Variants in TXNDC16 observed in about 807,000 individuals in gnomAD.
The protein encoded by TXNDC16 is thioredoxin domain containing 16, also known as thioredoxin domain-containing protein 16.
In TXNDC16, 74 loss-of-function variants were observed where a neutral mutation model predicts 85.6. That is an observed-to-expected ratio of 0.86 (90% confidence interval 0.72 to 1.05). The LOEUF is 1.05. TXNDC16 is among the 50% of genes least tolerant of loss of function. The probability of loss-of-function intolerance (pLI) is 0.00; values close to 1 mark genes in which losing one functional copy is unlikely to be tolerated. For synonymous variants in TXNDC16, 335 were observed against 326.5 expected (o/e 1.03, Z -0.28); for missense variants, 959 against 947.0 (o/e 1.01, Z -0.17).
At chr14:52,472,038 GGT>G (rs2035919110) in intron 14 of TXNDC16, among the ~76,000 whole-genome samples, 1 of 149,950 alleles carries the variant, frequency 6.7e-6, no homozygotes, top group Non-Finnish European at 1.5e-5. Context: ...TTGTGAATGT[GGT>G]ATTTTAATAT....
chr14:52,510,902 T>G (rs983823941), intron 9 of TXNDC16, among the ~76,000 whole-genome samples: 1 of 152,226 alleles, frequency 6.6e-6, no homozygotes, highest in Non-Finnish European at 1.5e-5. Context: ...GATGTGGTCT[T>G]TGTGATCTGT....
intron 6 of TXNDC16, among the ~76,000 whole-genome samples, chr14:52,527,378 A>T (rs1448965133): frequency 6.6e-6 from 1 of 152,216 alleles, no homozygotes; most frequent in Non-Finnish European, 1.5e-5. Context: ...AAGACTCCTC[A>T]AACATCTGGT....
At chr14:52,530,451 T>C in intron 6 of TXNDC16, among the ~76,000 whole-genome samples, 1 of 14,850 alleles carries the variant, frequency 6.7e-5, no homozygotes, top group Non-Finnish European at 9.8e-5. Context: ...TATATTATTA[T>C]ATAATAATAT....
chr14:52,460,860 G>T (rs911278867), intron 16 of TXNDC16, among the ~76,000 whole-genome samples: 3 of 152,018 alleles, frequency 2.0e-5, no homozygotes, highest in Non-Finnish European at 4.4e-5. Context: ...TGAAATTTAT[G>T]TGCAAAAGAG....
intron 14 of TXNDC16, among the ~76,000 whole-genome samples, chr14:52,471,013 TTA>T (rs1294573694): frequency 6.6e-6 from 1 of 152,210 alleles, no homozygotes; most frequent in Non-Finnish European, 1.5e-5. Context: ...AATCCTAAAT[TTA>T]TGTCTTTGGC....
At chr14:52,515,667 A>ATG (rs1491164471) in intron 7 of TXNDC16, among the ~76,000 whole-genome samples, 2 of 107,454 alleles carry the variant, frequency 1.9e-5, no homozygotes, top group Non-Finnish European at 3.6e-5. Flanking sequence ...TATTTCATAC[A>ATG]TATGTGTGTG....
At chr14:52,502,814 C>G (rs1160105096) in intron 9 of TXNDC16, among the ~76,000 whole-genome samples, 2 of 152,202 alleles carry the variant, frequency 1.3e-5, no homozygotes, top group African/African-American at 4.8e-5. Flanking sequence ...TCAGGGAATT[C>G]CCTTTCCTAG....
At chr14:52,545,015 T>C (rs2037913006) in intron 1 of TXNDC16, among the ~76,000 whole-genome samples, 1 of 152,162 alleles carries the variant, frequency 6.6e-6, no homozygotes, top group South Asian at 2.1e-4. Flanking sequence ...TTTCTTCATA[T>C]TCTGGAGAAA....
intron 18 of TXNDC16, among the ~76,000 whole-genome samples, chr14:52,451,384 A>T (rs1474380277): frequency 6.6e-6 from 1 of 152,140 alleles, no homozygotes; most frequent in Non-Finnish European, 1.5e-5. Context: ...AACCAGACAA[A>T]GGCATATCAA....
intron 16 of TXNDC16, among the ~76,000 whole-genome samples, chr14:52,465,433 A>C (rs1238073225): frequency 1.3e-5 from 2 of 152,090 alleles, no homozygotes; most frequent in African/African-American, 2.4e-5. Context: ...TCTACTAAAA[A>C]TACAAAGAGT....
At chr14:52,512,910 A>G (rs565998104) in intron 8 of TXNDC16, among the ~76,000 whole-genome samples, 1 of 152,246 alleles carries the variant, frequency 6.6e-6, no homozygotes, top group African/African-American at 2.4e-5. Context: ...TGTATAATCC[A>G]GTTTTTCCAT....
At chr14:52,456,291 A>G (rs1245497498) in intron 17 of TXNDC16, among the ~76,000 whole-genome samples, 3 of 152,178 alleles carry the variant, frequency 2.0e-5, no homozygotes, top group African/African-American at 7.2e-5. Context: ...AGCTCTTTGG[A>G]CCACAGCTAG....
chr14:52,438,455 A>G (rs2035084112), intron 20 of TXNDC16, among the ~76,000 whole-genome samples: 5 of 152,208 alleles, frequency 3.3e-5, no homozygotes, highest in Admixed American at 3.3e-4. Context: ...TTCATCAGCC[A>G]AAAGGTTACA....
intron 6 of TXNDC16, among the ~76,000 whole-genome samples, chr14:52,526,551 C>T (rs2037339880): frequency 1.3e-5 from 2 of 152,202 alleles, no homozygotes; most frequent in Admixed American, 1.3e-4. Context: ...CCATTCTAAG[C>T]TTGTTTCCTT....
intron 16 of TXNDC16, 115 bp downstream of exon 16, chr14:52,469,922 C>T: frequency 9.5e-7 from 1 of 1,055,266 alleles, no homozygotes; most frequent in Non-Finnish European, 1.3e-6. Flanking sequence ...TATTTTTCTT[C>T]AAACTTCTCC....
intron 16 of TXNDC16, chr14:52,462,852 A>T (rs1273822519): frequency 2.3e-6 from 1 of 437,456 alleles, no homozygotes; most frequent in African/African-American, 2.0e-5. Flanking sequence ...GTTTGTAGGT[A>T]GTTGTAGCCA....
At chr14:52,520,171 A>G (rs937394623) in intron 6 of TXNDC16, among the ~76,000 whole-genome samples, 3 of 152,232 alleles carry the variant, frequency 2.0e-5, no homozygotes, top group Admixed American at 2.0e-4. Context: ...TCAAAAACGC[A>G]TTTATTGAAT....
At chr14:52,454,495 T>A (rs1435779317) in intron 18 of TXNDC16, among the ~76,000 whole-genome samples, 1 of 149,416 alleles carries the variant, frequency 6.7e-6, no homozygotes, top group Admixed American at 6.7e-5. Flanking sequence ...CCAGAAAAAT[T>A]AGAAATTAAA....
intron 19 of TXNDC16, among the ~76,000 whole-genome samples, chr14:52,439,841 CAAATT>C (rs2035125280): frequency 6.6e-6 from 1 of 151,972 alleles, no homozygotes; most frequent in Non-Finnish European, 1.5e-5. Context: ...GCATTAATTT[CAAATT>C]AAAGAAGTAG....
Sources: gnomAD v4.1 joint callset for allele counts (sites outside exome capture counted in the v4.1 genomes callset) on GRCh38, gnomAD v4.1.1 for gene constraint, MANE v1.5 for transcripts, NCBI Gene and HGNC (gene_info 2026-07-23, HGNC 2026-07-21) for gene names.